PDE4D: variants seen among roughly 807,000 people sequenced by gnomAD.
PDE4D encodes 3',5'-cyclic-AMP phosphodiesterase 4D.
PDE4D carries 24 observed loss-of-function variants against 87.4 expected under a neutral mutation model. The ratio of observed to expected loss-of-function variants is 0.27; its 90% CI spans 0.20 to 0.39. The LOEUF is 0.39. Ranked by LOEUF, PDE4D falls within the 10% of genes least tolerant of loss-of-function variation. The pLI is 1.00. For missense variants in PDE4D, 714 were observed against 1,041.0 expected, an observed-to-expected ratio of 0.69 and a Z score of 4.32; for synonymous variants, 384 against 383.2, an observed-to-expected ratio of 1.00 and a Z score of -0.02.
At chr5:59,972,044 C>T (rs1760827266) in intron 3 of PDE4D, among the ~76,000 whole-genome samples, 1 of 152,214 alleles carries the variant, frequency 6.6e-6, no homozygotes, top group Admixed American at 6.5e-5. Flanking sequence ...CTCTTCGCCA[C>T]ACTGTCAGCA....
chr5:59,691,905 G>A (rs553681759), intron 1 of PDE4D, among the ~76,000 whole-genome samples: 1 of 152,144 alleles, frequency 6.6e-6, no homozygotes, highest in African/African-American at 2.4e-5. Context: ...GGGTGAGATA[G>A]GAAAGAGGCA....
intron 2 of PDE4D, chr5:60,030,974 G>C (rs766669008): frequency 6.6e-6 from 1 of 152,116 alleles, no homozygotes. Flanking sequence ...TCTGATCCAG[G>C]GACATGGTAT....
At chr5:59,403,202 T>C (rs1791006702) in intron 1 of PDE4D, among the ~76,000 whole-genome samples, 2 of 151,980 alleles carry the variant, frequency 1.3e-5, no homozygotes. Context: ...GATTGATTTA[T>C]GGGGCCCACG....
intron 3 of PDE4D, among the ~76,000 whole-genome samples, chr5:59,985,781 C>A (rs10471471): frequency 6.6e-6 from 1 of 152,176 alleles, no homozygotes; most frequent in South Asian, 2.1e-4. Flanking sequence ...AAAATTCATG[C>A]ATACTCAATT....
chr5:60,467,316 G>T (rs1747439664), intron 1 of PDE4D, among the ~76,000 whole-genome samples: 1 of 152,154 alleles, frequency 6.6e-6, no homozygotes. Context: ...GGGATTACAG[G>T]CATGAGCCAC....
At chr5:59,522,516 AC>A (rs138105291) in intron 1 of PDE4D, among the ~76,000 whole-genome samples, 1 of 152,334 alleles carries the variant, frequency 6.6e-6, no homozygotes, top group East Asian at 1.9e-4. Context: ...TTTAAGCTGC[AC>A]ATTAACTAAC....
At position 59,985,141 on chromosome 5, in the gene PDE4D, TTTTGTTTTTTA is replaced by T. The variant is rs1561944556; in HGVS notation, c.272+3336_272+3346del. On this transcript the variant is annotated intron_variant, in intron 3 of 16. Transcript: ENST00000502484. ...CACCTTTCGTTTTTTGTTTTTTGTT[TTTTGTTTTTTA>T]TTTTGAGACAGAGTCTCACTCTGTC... 1.4e-4 allele frequency among the ~76,000 whole-genome samples: 17 copies of T among 118,374 alleles called. 4 individuals carry two copies. The East Asian group carries it at 3.6e-3, about 25-fold the overall frequency. The allele number at this position is 118,374 out of a possible 152,430, so 77.7% of individuals were successfully genotyped here. A position where few individuals can be genotyped will look rare whatever the true frequency, so the allele number is the denominator to read the frequency against.
At chr5:60,204,098 C>T (rs909423018) in intron 1 of PDE4D, among the ~76,000 whole-genome samples, 3 of 152,180 alleles carry the variant, frequency 2.0e-5, no homozygotes, top group Non-Finnish European at 2.9e-5. Context: ...GAAAGCACCA[C>T]ATTGTTTAAG....
At chr5:60,233,109 A>T (rs887462524) in intron 1 of PDE4D, among the ~76,000 whole-genome samples, 22 of 151,856 alleles carry the variant, frequency 1.4e-4, no homozygotes, top group African/African-American at 5.1e-4. Flanking sequence ...AGGTTAGCAG[A>T]AACATGCAAA....
At chr5:60,510,235 C>T (rs1348869936) in intron 1 of PDE4D, among the ~76,000 whole-genome samples, 1 of 152,140 alleles carries the variant, frequency 6.6e-6, no homozygotes, top group Non-Finnish European at 1.5e-5. Context: ...TTCTCAGCAG[C>T]CCATCAGAGA....
chr5:59,867,407 CT>C (rs1000616125), intron 1 of PDE4D, among the ~76,000 whole-genome samples: 6 of 151,956 alleles, frequency 3.9e-5, no homozygotes, highest in African/African-American at 1.4e-4. Flanking sequence ...ATTGCTTTCA[CT>C]TATTTAAATG....
intron 1 of PDE4D, among the ~76,000 whole-genome samples, chr5:59,686,772 C>A (rs940080884): frequency 6.6e-6 from 1 of 152,078 alleles, no homozygotes; most frequent in African/African-American, 2.4e-5. Flanking sequence ...TTTTAATCTG[C>A]TGATTATTTG....
At chr5:60,378,815 T>C (rs1325909975) in intron 1 of PDE4D, among the ~76,000 whole-genome samples, 3 of 151,062 alleles carry the variant, frequency 2.0e-5, no homozygotes. Context: ...AGAGCACCAC[T>C]GCACTCCAGC....
At chr5:60,451,614 CT>C (rs1213049524) in intron 1 of PDE4D, among the ~76,000 whole-genome samples, 10 of 151,966 alleles carry the variant, frequency 6.6e-5, no homozygotes, top group Non-Finnish European at 4.4e-5. Flanking sequence ...CAAAAGGCAA[CT>C]GATATTAAGG....
At chr5:59,061,995 T>C (rs1439393637) in intron 5 of PDE4D, among the ~76,000 whole-genome samples, 1 of 152,056 alleles carries the variant, frequency 6.6e-6, no homozygotes, top group African/African-American at 2.4e-5. Flanking sequence ...TGACACTCCC[T>C]CCAGGACTAA....
At chr5:59,036,522 C>T (rs1319473925) in intron 6 of PDE4D, among the ~76,000 whole-genome samples, 1 of 152,204 alleles carries the variant, frequency 6.6e-6, no homozygotes, top group Admixed American at 6.5e-5. Context: ...GCAACACTCA[C>T]AGGGGCCTTC....
At chr5:60,503,782 C>G (rs756785077) in intron 1 of PDE4D, among the ~76,000 whole-genome samples, 1 of 152,062 alleles carries the variant, frequency 6.6e-6, no homozygotes, top group Admixed American at 6.6e-5. Context: ...ATTCTGTTAA[C>G]TTTTTTTAAA....
intron 5 of PDE4D, among the ~76,000 whole-genome samples, chr5:59,104,686 G>A (rs571181509): frequency 3.0e-4 from 45 of 152,122 alleles, no homozygotes; most frequent in Admixed American, 2.1e-3. Flanking sequence ...AGGAAGAAAA[G>A]GAGGGAAGGG....
intron 1 of PDE4D, among the ~76,000 whole-genome samples, chr5:59,267,781 T>A (rs1763092232): frequency 6.6e-6 from 1 of 152,130 alleles, no homozygotes; most frequent in Non-Finnish European, 1.5e-5. Flanking sequence ...ATAAGGGTAC[T>A]TTGGAAGATG....
Sources: gnomAD v4.1 joint callset for allele counts (sites outside exome capture counted in the v4.1 genomes callset) on GRCh38, gnomAD v4.1.1 for gene constraint, MANE v1.5 for transcripts, NCBI Gene and HGNC (gene_info 2026-07-23, HGNC 2026-07-21) for gene names.